The following EYS variants were observed in gnomAD, a reference collection of about 807,000 sequenced individuals.
EYS encodes the protein protein eyes shut homolog.
Under a neutral mutation model 282.1 loss-of-function variants are expected in EYS, and 250 were observed. The observed-to-expected ratio is 0.89, with a 90% CI of 0.80 to 0.98. The LOEUF (loss-of-function observed/expected upper bound fraction) is 0.98, where lower values mean the gene tolerates loss of function less well. Among genes scored for constraint, EYS ranks in the 50% least tolerant of loss-of-function variants. EYS has a pLI of 0.00. For missense variants in EYS, 4,016 were observed against 3,709.0 expected (o/e 1.08, Z -2.15); for synonymous variants, 1,355 against 1,282.9 (o/e 1.06, Z -1.20).
intron 12 of EYS, among the ~76,000 whole-genome samples, chr6:65,251,584 C>T (rs973166992): frequency 3.9e-5 from 6 of 151,976 alleles, no homozygotes; most frequent in African/African-American, 1.4e-4. Context: ...ACATTCCACT[C>T]TACTATTTCT....
chr6:63,994,512 G>A (rs938444368), intron 34 of EYS, among the ~76,000 whole-genome samples: 5 of 151,800 alleles, frequency 3.3e-5, no homozygotes, highest in South Asian at 2.1e-4. Flanking sequence ...TGTTCCTGAT[G>A]GGAGAGCTTC....
chr6:64,743,723 T>C (rs1166633062), intron 22 of EYS, among the ~76,000 whole-genome samples: 1 of 152,166 alleles, frequency 6.6e-6, no homozygotes, highest in East Asian at 1.9e-4. Flanking sequence ...GATTTTTTTG[T>C]TTATTTTATT....
chr6:65,097,789 A>G (rs1774780649), intron 12 of EYS, among the ~76,000 whole-genome samples: 1 of 147,942 alleles, frequency 6.8e-6, no homozygotes, highest in Admixed American at 6.7e-5. Context: ...AATAGGAAGT[A>G]CCTAAAATAA....
At chr6:64,864,546 C>T (rs1766358323) in intron 19 of EYS, among the ~76,000 whole-genome samples, 3 of 150,060 alleles carry the variant, frequency 2.0e-5, no homozygotes, top group South Asian at 4.3e-4. Flanking sequence ...CCACCATGCC[C>T]AGCTAATTTT....
chr6:63,757,210 C>T (rs930135944), intron 41 of EYS, among the ~76,000 whole-genome samples: 9 of 151,972 alleles, frequency 5.9e-5, no homozygotes, highest in South Asian at 4.2e-4. Context: ...GGGAAAGGCA[C>T]GCATTCTTGG....
At chr6:63,986,669 T>C (rs1252537300) in intron 34 of EYS, among the ~76,000 whole-genome samples, 5 of 151,618 alleles carry the variant, frequency 3.3e-5, no homozygotes, top group African/African-American at 9.7e-5. Flanking sequence ...AGCAAACTAA[T>C]GAAGGATCGG....
intron 23 of EYS, among the ~76,000 whole-genome samples, chr6:64,625,293 C>T (rs952418444): frequency 1.3e-5 from 2 of 152,020 alleles, no homozygotes; most frequent in Admixed American, 6.6e-5. Context: ...GTAGAGATGG[C>T]CAAAAAGACC....
At chr6:64,011,823 A>G (rs1247737087) in intron 33 of EYS, among the ~76,000 whole-genome samples, 1 of 152,188 alleles carries the variant, frequency 6.6e-6, no homozygotes, top group African/African-American at 2.4e-5. Flanking sequence ...AACAGCACCA[A>G]CTGCTTCTAG....
At chr6:64,363,318 C>A (rs1288406494) in intron 29 of EYS, among the ~76,000 whole-genome samples, 2 of 151,530 alleles carry the variant, frequency 1.3e-5, no homozygotes, top group Non-Finnish European at 2.9e-5. Flanking sequence ...GGACAGTTGG[C>A]AAAAAAATAA....
intron 28 of EYS, among the ~76,000 whole-genome samples, chr6:64,411,610 AG>A (rs1186567762): frequency 6.6e-6 from 1 of 152,134 alleles, no homozygotes; most frequent in East Asian, 1.9e-4. Context: ...TGTGAGGCTG[AG>A]GCAGGATGAT....
At chr6:65,442,626 T>C (rs1050723314) in intron 5 of EYS, among the ~76,000 whole-genome samples, 1 of 151,726 alleles carries the variant, frequency 6.6e-6, no homozygotes, top group African/African-American at 2.4e-5. Flanking sequence ...TAGTGGAGCA[T>C]GCATATAGTC....
intron 2 of EYS, among the ~76,000 whole-genome samples, chr6:65,529,742 A>G (rs1165589598): frequency 6.6e-6 from 1 of 152,160 alleles, no homozygotes; most frequent in African/African-American, 2.4e-5. Flanking sequence ...ATGATGTAAT[A>G]ATCATTACAG....
chr6:64,858,849 G>T (rs2150046963), intron 19 of EYS, among the ~76,000 whole-genome samples: 1 of 152,194 alleles, frequency 6.6e-6, no homozygotes, highest in Middle Eastern at 3.4e-3. Context: ...ACACAGTTAA[G>T]GTCAAATATA....
chr6:64,865,555 T>C (rs1421914485), intron 19 of EYS, among the ~76,000 whole-genome samples: 1 of 152,138 alleles, frequency 6.6e-6, no homozygotes, highest in Non-Finnish European at 1.5e-5. Context: ...ATTGAAAAAG[T>C]TGTCAGTGTC....
chr6:64,763,994 C>A (rs1226794702), intron 22 of EYS, among the ~76,000 whole-genome samples: 1 of 152,210 alleles, frequency 6.6e-6, no homozygotes, highest in Non-Finnish European at 1.5e-5. Flanking sequence ...CCCTGTGGCT[C>A]TGCAGGGTAC....
chr6:65,422,676 C>T (rs1268477575), intron 5 of EYS, among the ~76,000 whole-genome samples: 3 of 151,562 alleles, frequency 2.0e-5, no homozygotes, highest in Non-Finnish European at 3.0e-5. Flanking sequence ...TCATATGAAG[C>T]AACAGGAAAT....
chr6:64,372,130 G>GTTTTTTTTTTTTTTTTTTTTTTTTTTTTT lies in EYS; in HGVS notation c.6078+16531_6078+16559dup, dbSNP rs201498090. Among the ~76,000 whole-genome samples the GTTTTTTTTTTTTTTTTTTTTTTTTTTTTT allele has an allele frequency of 1.6e-4, 16 of 97,718 alleles. 3 individuals carry two copies. The highest frequency in any genetic ancestry group is 3.3e-4 in the African/African-American group (7 of 21,242). The allele number at this position is 97,718 out of a possible 152,430, so 64.1% of individuals were successfully genotyped here. ...TAGCATCACTGGTCTGTATACTTGT[G>GTTTTTTTTTTTTTTTTTTTTTTTTTTTTT]TTTTTTTTTTTTTTTTTTTTTTTTT... On this transcript the variant is annotated intron_variant, in intron 29 of 42. Transcript: ENST00000503581.
intron 31 of EYS, among the ~76,000 whole-genome samples, chr6:64,225,183 TA>T (rs963484230): frequency 1.3e-5 from 2 of 152,144 alleles, no homozygotes; most frequent in Non-Finnish European, 2.9e-5. Context: ...TGATTTCATT[TA>T]CTTCCCTCAA....
At chr6:64,318,225 T>G (rs1770057119) in intron 29 of EYS, among the ~76,000 whole-genome samples, 1 of 152,054 alleles carries the variant, frequency 6.6e-6, no homozygotes, top group South Asian at 2.1e-4. Flanking sequence ...CATGTTGTCT[T>G]ACATTTCTAA....
Sources: gnomAD v4.1 joint callset for allele counts (sites outside exome capture counted in the v4.1 genomes callset) on GRCh38, gnomAD v4.1.1 for gene constraint, MANE v1.5 for transcripts, NCBI Gene and HGNC (gene_info 2026-07-23, HGNC 2026-07-21) for gene names.